RPSA2: variants seen among roughly 807,000 people sequenced by gnomAD.
RPSA2 encodes small ribosomal subunit protein uS2B.
chr19:23,773,179 C>T, the RPSA2 span, among the ~76,000 whole-genome samples: 3 of 151,730 alleles, frequency 2.0e-5, no homozygotes, highest in Non-Finnish European at 4.4e-5. Context: ...TCACTGCAAG[C>T]TCCACCTCCC....
the RPSA2 span, among the ~76,000 whole-genome samples, chr19:23,796,056 C>T: frequency 2.0e-5 from 3 of 152,196 alleles, no homozygotes; most frequent in African/African-American, 7.2e-5. Context: ...TGAGCCACTG[C>T]ACCCATCTGC....
At chr19:23,785,272 C>T in the RPSA2 span, among the ~76,000 whole-genome samples, 1 of 152,152 alleles carries the variant, frequency 6.6e-6, no homozygotes, top group Non-Finnish European at 1.5e-5. Flanking sequence ...GATCTGCACT[C>T]AGGTTATGTG....
At chr19:23,793,141 G>A in the RPSA2 span, among the ~76,000 whole-genome samples, 1 of 151,720 alleles carries the variant, frequency 6.6e-6, no homozygotes, top group Non-Finnish European at 1.5e-5. Flanking sequence ...AAAGTACAAA[G>A]CGTTTTTCTG....
At chr19:23,826,580 CTG>C in the RPSA2 span, among the ~76,000 whole-genome samples, 14 of 152,224 alleles carry the variant, frequency 9.2e-5, no homozygotes, top group African/African-American at 3.1e-4. Context: ...GTCATAAAAT[CTG>C]TGTCTTTTTG....
the RPSA2 span, among the ~76,000 whole-genome samples, chr19:23,776,911 T>A: frequency 6.6e-6 from 1 of 152,132 alleles, no homozygotes; most frequent in Non-Finnish European, 1.5e-5. Context: ...TCCTACCCTG[T>A]GTTTGCCTAT....
chr19:23,846,702 A>G, the RPSA2 span, among the ~76,000 whole-genome samples: 1 of 152,324 alleles, frequency 6.6e-6, no homozygotes, highest in African/African-American at 2.4e-5. Flanking sequence ...TCTTCTGGCC[A>G]GTAAAGTTTC....
At chr19:23,808,261 C>T in the RPSA2 span, among the ~76,000 whole-genome samples, 4 of 68,292 alleles carry the variant, frequency 5.9e-5, no homozygotes, top group East Asian at 1.8e-3. Context: ...AATTAAGAAC[C>T]TACAAAATTA....
the RPSA2 span, among the ~76,000 whole-genome samples, chr19:23,833,865 G>A: frequency 6.6e-6 from 1 of 152,042 alleles, no homozygotes; most frequent in Non-Finnish European, 1.5e-5. Flanking sequence ...CACATTTTGT[G>A]CTAGAGGAAA....
At chr19:23,846,292 G>T in the RPSA2 span, among the ~76,000 whole-genome samples, 1 of 145,668 alleles carries the variant, frequency 6.9e-6, no homozygotes, top group Non-Finnish European at 1.5e-5. Context: ...TTTCAATGAA[G>T]GTTTTAATTG....
At chr19:23,800,633 G>C in the RPSA2 span, among the ~76,000 whole-genome samples, 1 of 149,248 alleles carries the variant, frequency 6.7e-6, no homozygotes, top group Admixed American at 6.7e-5. Context: ...TTTTTTCTTA[G>C]ATGGAATTTC....
At chr19:23,787,454 C>G in the RPSA2 span, among the ~76,000 whole-genome samples, 2 of 147,422 alleles carry the variant, frequency 1.4e-5, no homozygotes, top group South Asian at 4.3e-4. Context: ...AAGAAAAATA[C>G]GAAAAGCAGC....
At chr19:23,799,525 T>C in the RPSA2 span, 9 of 152,266 alleles carry the variant, frequency 5.9e-5, no homozygotes, top group African/African-American at 2.2e-4. Flanking sequence ...GCTATGGCAA[T>C]TGGCGTTCAC....
the RPSA2 span, among the ~76,000 whole-genome samples, chr19:23,839,617 C>G: frequency 6.6e-6 from 1 of 152,232 alleles, no homozygotes; most frequent in South Asian, 2.1e-4. Context: ...TGAGTTCTTG[C>G]CAGGAGGCTT....
At chr19:23,850,780 T>C in the RPSA2 span, among the ~76,000 whole-genome samples, 3 of 152,084 alleles carry the variant, frequency 2.0e-5, no homozygotes, top group Non-Finnish European at 2.9e-5. Flanking sequence ...TCAGCTGCAG[T>C]CAGAGTATTG....
chr19:23,789,019 C>CTTTTTTTTTTTTTTTTTTTTTTTT, the RPSA2 span, among the ~76,000 whole-genome samples: 9 of 112,602 alleles, frequency 8.0e-5, 1 homozygote, highest in East Asian at 5.2e-4. Flanking sequence ...TTTTTTCTTT[C>CTTTTTTTTTTTTTTTTTTTTTTTT]TTTCTTTTTT....
At chr19:23,761,109 T>C in the RPSA2 span, among the ~76,000 whole-genome samples, 1 of 149,818 alleles carries the variant, frequency 6.7e-6, no homozygotes, top group Admixed American at 6.8e-5. Flanking sequence ...TGTGTACACA[T>C]AGAGGTCTCA....
At chr19:23,834,622 C>A in the RPSA2 span, among the ~76,000 whole-genome samples, 1 of 151,826 alleles carries the variant, frequency 6.6e-6, no homozygotes, top group South Asian at 2.1e-4. Context: ...TTATTAATTG[C>A]ACTTTTATGG....
the RPSA2 span, among the ~76,000 whole-genome samples, chr19:23,858,161 T>C: frequency 6.6e-6 from 1 of 150,770 alleles, no homozygotes; most frequent in African/African-American, 2.4e-5. Flanking sequence ...TTCTCTTAGG[T>C]TGATTTTTAA....
chr19:23,820,677 C>T, the RPSA2 span, among the ~76,000 whole-genome samples: 122 of 89,234 alleles, frequency 1.4e-3, 1 homozygote, highest in Middle Eastern at 0.051. Context: ...ATTTCTTTGC[C>T]CCTGGCAGTT....
Sources: allele counts gnomAD v4.1 joint callset (sites outside exome capture counted in the v4.1 genomes callset), GRCh38; gene constraint gnomAD v4.1.1; transcripts MANE v1.5; gene names NCBI Gene and HGNC (gene_info 2026-07-23, HGNC 2026-07-21).